The following PMS1 variants were observed in gnomAD, a reference collection of about 807,000 sequenced individuals.
PMS1 encodes the protein PMS1 protein homolog 1.
Under a neutral mutation model 93.1 loss-of-function variants are expected in PMS1, and 79 were observed. The ratio of observed to expected loss-of-function variants is 0.85; its 90% CI spans 0.71 to 1.02. PMS1 has a LOEUF of 1.02. PMS1 is among the 50% of genes least tolerant of loss of function. PMS1 has a pLI of 0.00. For missense variants in PMS1, 1,064 were observed against 1,085.3 expected, an observed-to-expected ratio of 0.98 and a Z score of 0.28; for synonymous variants, 335 against 363.4, an observed-to-expected ratio of 0.92 and a Z score of 0.89.
chr2:189,805,658 A>G lies in PMS1; in HGVS notation c.322A>G (p.Ile108Val), dbSNP rs1158932650. ...GSICCIAEVL[I>V]TTRTAADNFS... The stretch of plus-strand genomic sequence containing the variant: ...AGATGTTTTTTTCCCCCAGGTTTTA[A>G]TTACAACAAGAACGGCTGCTGATAA... Residue 108 changes from isoleucine (I) to valine (V), a missense_variant, in exon 4 of 13, where the codon ATT (isoleucine) becomes GTT (valine). By Grantham distance (29) the Ile-to-Val change is conservative. Transcript: ENST00000441310. The G allele has an allele frequency of 1.2e-6, 2 of 1,613,650 alleles. No homozygotes were observed. The highest frequency in any genetic ancestry group is 1.7e-6 in the Non-Finnish European group (2 of 1,179,662).
chr2:189,853,863 A>G, intron 7 of PMS1, 76 bp from the exon 8 acceptor site: 1 of 894,092 alleles, frequency 1.1e-6, no homozygotes, highest in South Asian at 1.6e-5. Context: ...TCAATTTCTC[A>G]GTTGAATTTG....
At chr2:189,836,747 T>C (rs2053414693) in intron 5 of PMS1, among the ~76,000 whole-genome samples, 1 of 152,232 alleles carries the variant, frequency 6.6e-6, no homozygotes, top group Admixed American at 6.5e-5. Context: ...CTCGATCTGA[T>C]GCAATAAAAA....
chr2:189,808,835 A>C (rs1479684835), intron 4 of PMS1, among the ~76,000 whole-genome samples: 2 of 152,212 alleles, frequency 1.3e-5, no homozygotes. Flanking sequence ...ATAGAAATAC[A>C]TCTCTATCTT....
At chr2:189,836,049 A>G (rs1051357654) in intron 5 of PMS1, among the ~76,000 whole-genome samples, 4 of 151,570 alleles carry the variant, frequency 2.6e-5, no homozygotes, top group Non-Finnish European at 5.9e-5. Context: ...TATCCTCTTT[A>G]TTTAGAAGGA....
chr2:189,859,660 CTACCCAG>C (rs1360022611), intron 9 of PMS1, among the ~76,000 whole-genome samples: 19 of 152,116 alleles, frequency 1.2e-4, no homozygotes, highest in Admixed American at 8.5e-4. Flanking sequence ...TCTTAACTTT[CTACCCAG>C]TGTAATTTTT....
intron 6 of PMS1, among the ~76,000 whole-genome samples, chr2:189,846,074 G>C (rs1248397981): frequency 1.3e-5 from 2 of 152,070 alleles, no homozygotes; most frequent in African/African-American, 4.8e-5. Flanking sequence ...ACAGAAAGAG[G>C]GGACATGAGA....
Position 189,818,401 on chromosome 2 carries a change from C to T in PMS1, c.582+221C>T, listed in dbSNP as rs5743043. Among the ~76,000 whole-genome samples, 1,170 of 152,278 alleles carry T rather than the reference C, an allele frequency of 7.7e-3. 10 individuals carry two copies. Among genetic ancestry groups the T allele is most frequent in the Middle Eastern group, 0.031 (9 of 294 alleles). On this transcript the variant is annotated intron_variant, in intron 5 of 12. Transcript: ENST00000441310. The stretch of plus-strand genomic sequence containing the variant: ...AAAGGAGACCTCAGAGGGCTGCCTT[C>T]CTTCTTCTGCCATGTGAGGAGGCCA...
At chr2:189,844,385 T>C (rs1302711699) in intron 6 of PMS1, among the ~76,000 whole-genome samples, 1 of 152,212 alleles carries the variant, frequency 6.6e-6, no homozygotes, top group Non-Finnish European at 1.5e-5. Flanking sequence ...GACTCATGCC[T>C]GTAATTCCAG....
In PMS1 at chr2:189,854,047, A is replaced by C. The variant is rs1452420172; in HGVS notation, c.931A>C (p.Thr311Pro). Residue 311 changes from threonine (T) to proline (P), a missense_variant, in exon 8 of 13, where the codon ACA (threonine) becomes CCA (proline). Thr to Pro is a conservative substitution (Grantham distance 38, BLOSUM62 -1). Transcript: ENST00000441310. The part of the protein sequence containing the change: ...VPTADVDVNL[T>P]PDKSQVLLQN... The stretch of plus-strand genomic sequence containing the variant: ...TACAGCTGATGTTGATGTAAATTTA[A>C]CACCAGATAAAAGCCAAGTATTATT... The C allele has an allele frequency of 6.2e-7, 1 of 1,602,702 alleles. No homozygotes were observed. The highest frequency in any genetic ancestry group is 2.2e-5 in the East Asian group (1 of 44,534).
intron 1 of PMS1, among the ~76,000 whole-genome samples, chr2:189,789,911 C>G (rs1337850282): frequency 6.6e-6 from 1 of 152,062 alleles, no homozygotes; most frequent in Non-Finnish European, 1.5e-5. Flanking sequence ...CAATAAGATG[C>G]AAAAAGCACC....
At chr2:189,804,408 C>T (rs1282253992) in intron 3 of PMS1, among the ~76,000 whole-genome samples, 1 of 152,122 alleles carries the variant, frequency 6.6e-6, no homozygotes, top group Non-Finnish European at 1.5e-5. Context: ...AGGTAGATCC[C>T]TTAAGAGTAC....
At chr2:189,811,413 C>T in intron 4 of PMS1, among the ~76,000 whole-genome samples, 1 of 151,722 alleles carries the variant, frequency 6.6e-6, no homozygotes, top group Non-Finnish European at 1.5e-5. Flanking sequence ...AATGGTTAAA[C>T]CCCATCTCTA....
At chr2:189,838,764 G>A (rs1337465226) in intron 5 of PMS1, among the ~76,000 whole-genome samples, 5 of 152,120 alleles carry the variant, frequency 3.3e-5, no homozygotes, top group Admixed American at 2.0e-4. Context: ...AAAAGCAAAC[G>A]AAAAAAACCT....
chr2:189,864,228 G>A lies in PMS1; in HGVS notation c.2342G>A (p.Ser781Asn). 1 of 1,586,450 alleles carries A rather than the reference G, an allele frequency of 6.3e-7. No homozygotes were observed. The highest frequency in any genetic ancestry group is 8.7e-7 in the Non-Finnish European group (1 of 1,156,058). The change falls in exon 10 of 13, where the codon AGT becomes AAT. Residue 781 changes from serine to asparagine, a missense_variant and splice_region_variant. Ser to Asn is a conservative substitution (Grantham distance 46). Transcript: ENST00000441310. ...GAAAAGCCAATTATGTTAACAGAGA[G>A]GTATGATGATACAATACTTTTTAAG... ...PLEKPIMLTESLFNGSHYLDV... is the reference protein window; with the variant it reads ...PLEKPIMLTENLFNGSHYLDV...
chr2:189,858,872 A>T (rs531046019), intron 9 of PMS1, among the ~76,000 whole-genome samples: 1 of 152,210 alleles, frequency 6.6e-6, no homozygotes, highest in South Asian at 2.1e-4. Context: ...TATTCAGGTA[A>T]CATTTCTTCA....
chr2:189,847,810 C>A (rs1373724794), intron 6 of PMS1, among the ~76,000 whole-genome samples: 1 of 152,068 alleles, frequency 6.6e-6, no homozygotes, highest in Non-Finnish European at 1.5e-5. Context: ...GGCTTCTTTT[C>A]TTCTCTTCCA....
intron 10 of PMS1, among the ~76,000 whole-genome samples, chr2:189,867,078 A>G (rs892671868): frequency 1.3e-5 from 2 of 152,232 alleles, no homozygotes; most frequent in Admixed American, 1.3e-4. Context: ...AGTGCCTTGC[A>G]TACATACCTA....
chr2:189,792,292 T>A (rs1334114652), intron 2 of PMS1, among the ~76,000 whole-genome samples: 1 of 152,266 alleles, frequency 6.6e-6, no homozygotes, highest in East Asian at 1.9e-4. Context: ...CCATTTCCCT[T>A]GTTACTTTTT....
chr2:189,843,850 A>G (rs2094612678), intron 5 of PMS1, 114 bp from the exon 6 acceptor site: 1 of 862,034 alleles, frequency 1.2e-6, no homozygotes, highest in Non-Finnish European at 1.9e-6. Context: ...CTTCTAAGTG[A>G]TACTGAAATT....
Sources: allele counts gnomAD v4.1 joint callset (sites outside exome capture counted in the v4.1 genomes callset), GRCh38; gene constraint gnomAD v4.1.1; transcripts MANE v1.5; gene names NCBI Gene and HGNC (gene_info 2026-07-23, HGNC 2026-07-21).